FLT1: variants seen among roughly 807,000 people sequenced by gnomAD.
FLT1 encodes vascular endothelial growth factor receptor 1.
A neutral mutation model predicts 156.3 loss-of-function variants in FLT1; 49 were observed. The observed-to-expected ratio is 0.31, with a 90% CI of 0.25 to 0.40. The LOEUF (loss-of-function observed/expected upper bound fraction) is 0.40. Ranked by LOEUF, FLT1 falls within the 10% of genes least tolerant of loss-of-function variation. The pLI is 1.00. For synonymous variants in FLT1, 594 were observed against 583.8 expected (o/e 1.02, Z -0.25); for missense variants, 1,322 against 1,637.2 (o/e 0.81, Z 3.32).
At chr13:28,468,236 G>A (rs1020190726) in intron 1 of FLT1, among the ~76,000 whole-genome samples, 10 of 152,128 alleles carry the variant, frequency 6.6e-5, no homozygotes, top group East Asian at 1.9e-4. Flanking sequence ...TTTGTCTTAC[G>A]TAATCTATGA....
chr13:28,460,854 A>T lies in FLT1; in HGVS notation c.388+6049T>A, dbSNP rs11618844. ...CGCACGTATGTACTTTACATTTATG[A>T]GGGTAAAATGGATATATGAATGTAT... On this transcript the variant is annotated intron_variant, in intron 3 of 29. Transcript: ENST00000282397. Among the ~76,000 whole-genome samples the T allele has an allele frequency of 8.1e-3, 1,237 of 151,874 alleles. 12 individuals carry two copies. The highest frequency in any genetic ancestry group is 0.028 in the African/African-American group (1,170 of 41,406).
intron 13 of FLT1, chr13:28,386,814 A>C: frequency 9.5e-7 from 1 of 1,052,388 alleles, no homozygotes; most frequent in Non-Finnish European, 1.1e-6. Flanking sequence ...TCGCTTTTAC[A>C]GTGGCAAGCC....
intron 14 of FLT1, chr13:28,368,559 A>G (rs903900906): frequency 2.0e-6 from 3 of 1,516,472 alleles, no homozygotes; most frequent in Non-Finnish European, 2.7e-6. Context: ...GATGATGATG[A>G]TGATGATAAT....
chr13:28,475,539 G>A (rs1880495131), intron 1 of FLT1, among the ~76,000 whole-genome samples: 1 of 152,180 alleles, frequency 6.6e-6, no homozygotes, highest in African/African-American at 2.4e-5. Context: ...CTTTCCTTAA[G>A]ATGTAGCTTA....
At chr13:28,303,575 G>T (rs892835845) in intron 29 of FLT1, among the ~76,000 whole-genome samples, 1 of 151,316 alleles carries the variant, frequency 6.6e-6, no homozygotes, top group Admixed American at 6.6e-5. Context: ...GTGTCATTGG[G>T]CAGAAAGACA....
At chr13:28,462,044 T>C (rs541029124) in intron 3 of FLT1, among the ~76,000 whole-genome samples, 64 of 152,284 alleles carry the variant, frequency 4.2e-4, no homozygotes, top group Non-Finnish European at 8.2e-4. Context: ...ATTTTGCTTT[T>C]CGATTGTAAT....
At chr13:28,479,947 A>ACAAAAC (rs965690989) in intron 1 of FLT1, among the ~76,000 whole-genome samples, 3 of 152,236 alleles carry the variant, frequency 2.0e-5, no homozygotes, top group African/African-American at 7.2e-5. Flanking sequence ...ATTCTGTAGG[A>ACAAAAC]CAAAACCAAA....
At chr13:28,445,691 G>A (rs1209699641) in intron 3 of FLT1, among the ~76,000 whole-genome samples, 1 of 152,088 alleles carries the variant, frequency 6.6e-6, no homozygotes, top group East Asian at 1.9e-4. Context: ...ACAACAAGCT[G>A]CTCACGAGGG....
chr13:28,306,854 C>T, intron 28 of FLT1, 82 bp from the exon 29 acceptor site: 2 of 882,324 alleles, frequency 2.3e-6, no homozygotes, highest in Non-Finnish European at 3.8e-6. Flanking sequence ...TCCTGGGATA[C>T]ATCTGTTGAT....
At chr13:28,414,995 C>A (rs1344638206) in intron 10 of FLT1, among the ~76,000 whole-genome samples, 1 of 152,186 alleles carries the variant, frequency 6.6e-6, no homozygotes, top group East Asian at 1.9e-4. Context: ...TCTGCCAGGG[C>A]CCTGGCTAAC....
intron 3 of FLT1, among the ~76,000 whole-genome samples, chr13:28,441,858 G>A (rs1204049020): frequency 6.6e-6 from 1 of 152,054 alleles, no homozygotes; most frequent in Non-Finnish European, 1.5e-5. Context: ...TTCTATATTT[G>A]TCAGTCTTTC....
chr13:28,345,788 G>T, intron 15 of FLT1: 1 of 404,174 alleles, frequency 2.5e-6, no homozygotes, highest in Non-Finnish European at 4.5e-6. Context: ...ACATAGAAAA[G>T]GCTTTCCAGA....
chr13:28,389,475 A>G (rs1325422928), intron 13 of FLT1: 1 of 1,348,502 alleles, frequency 7.4e-7, no homozygotes, highest in Non-Finnish European at 9.5e-7. Flanking sequence ...AACACAGAGA[A>G]GGCAGTGCAG....
intron 11 of FLT1, among the ~76,000 whole-genome samples, chr13:28,404,138 C>A (rs1320714220): frequency 1.3e-5 from 2 of 151,982 alleles, no homozygotes; most frequent in Non-Finnish European, 2.9e-5. Flanking sequence ...GCTCTCTTAT[C>A]AATAGCTATA....
At chr13:28,385,058 A>T in intron 13 of FLT1, 27 bp from the exon 14 acceptor site, 1 of 1,613,194 alleles carries the variant, frequency 6.2e-7, no homozygotes, top group Non-Finnish European at 8.5e-7. Flanking sequence ...GGGAGCTGTG[A>T]TTACTCGTCA....
At chr13:28,343,558 C>G (rs951144011) in intron 16 of FLT1, among the ~76,000 whole-genome samples, 5 of 152,080 alleles carry the variant, frequency 3.3e-5, no homozygotes, top group African/African-American at 9.7e-5. Context: ...ACCCTGAGTG[C>G]CAGGCGTCCC....
chr13:28,382,136 G>C lies in FLT1; in HGVS notation c.2116+2749C>G, dbSNP rs1342802663. On this transcript the variant is annotated intron_variant, in intron 14 of 29. Transcript: ENST00000282397. ...TGATGATTTTTAAAAGTCTCAGCAA[G>C]AGAGAAGTAGAAACAGTTATAAGTA... 2.0e-5 allele frequency among the ~76,000 whole-genome samples: 3 copies of C among 152,188 alleles called. No homozygotes were observed. In the East Asian group the frequency reaches 5.8e-4, roughly 29 times the overall value.
At chr13:28,433,564 A>C (rs1426025096) in intron 6 of FLT1, among the ~76,000 whole-genome samples, 2 of 152,210 alleles carry the variant, frequency 1.3e-5, no homozygotes, top group Non-Finnish European at 2.9e-5. Context: ...TCTTCCACCT[A>C]GAATCATGCA....
chr13:28,325,343 T>C (rs576358274), intron 20 of FLT1, among the ~76,000 whole-genome samples: 2 of 152,284 alleles, frequency 1.3e-5, no homozygotes, highest in South Asian at 4.2e-4. Flanking sequence ...TCACCTCATT[T>C]AGTGTGGTGC....
Sources: gnomAD v4.1 joint callset for allele counts (sites outside exome capture counted in the v4.1 genomes callset) on GRCh38, gnomAD v4.1.1 for gene constraint, MANE v1.5 for transcripts, NCBI Gene and HGNC (gene_info 2026-07-23, HGNC 2026-07-21) for gene names.